Variants in TBC1D9B observed in about 807,000 individuals in gnomAD.
TBC1D9B encodes TBC1 domain family member 9B, also known as TBC1 domain family, member 9B (with GRAM domain).
A neutral mutation model predicts 121.1 loss-of-function variants in TBC1D9B; 87 were observed. The observed-to-expected ratio is 0.72, with a 90% CI of 0.60 to 0.86. The LOEUF (loss-of-function observed/expected upper bound fraction) is 0.86. Among genes scored for constraint, TBC1D9B ranks in the 40% least tolerant of loss-of-function variants. The pLI is 0.00. For synonymous variants in TBC1D9B, 668 were observed against 670.1 expected (o/e 1.00, Z 0.05); for missense variants, 1,540 against 1,628.6 (o/e 0.95, Z 0.94).
intron 1 of TBC1D9B, among the ~76,000 whole-genome samples, chr5:179,905,701 T>G (rs761426465): frequency 2.0e-5 from 3 of 152,250 alleles, no homozygotes; most frequent in Non-Finnish European, 4.4e-5. Context: ...CATTGTTTGA[T>G]TCACTAATTG....
rs780482247 is a variant in TBC1D9B at position 179,879,735 on chromosome 5, G to C, written c.1309C>G (p.Leu437Val). The C allele has an allele frequency of 1.2e-6, 2 of 1,614,136 alleles. No individual in the cohort carries two copies. The highest frequency in any genetic ancestry group is 1.7e-4 in the Middle Eastern group (1 of 6,030). ...SEQPASPASPLSSRQSFCAQE... is the reference protein window; with the variant it reads ...SEQPASPASPVSSRQSFCAQE... ...GCACAGAAGCTCTGGCGGCTGCTGA[G>C]GGGAGAGGCTGGGCTGGCGGGCTGC... Residue 437 changes from leucine (L) to valine (V), a missense_variant, in exon 8 of 21, where the codon CTC becomes GTC. Physicochemically the swap from Leu to Val is conservative, Grantham distance 32 (BLOSUM62 1). Transcript: ENST00000355235.
intron 14 of TBC1D9B, chr5:179,872,538 T>G: frequency 1.8e-5 from 5 of 281,212 alleles, no homozygotes; most frequent in Non-Finnish European, 2.1e-5. Flanking sequence ...ACACATGCCA[T>G]TTGGGGTGTG....
Position 179,862,451 on chromosome 5 carries a change from C to T in TBC1D9B, c.*997G>A, listed in dbSNP as rs1181453468. ...CCAAGGGCAGACAGCTTGCTACAGC[C>T]CAGGCCTGAGGATGCACTTCCTTCA... On this transcript the variant is annotated 3_prime_UTR_variant, in exon 21 of 21. Transcript: ENST00000355235. 2.3e-6 allele frequency: 1 copy of T among 425,610 alleles called. No homozygotes were observed. The highest frequency in any genetic ancestry group is 4.9e-6 in the Non-Finnish European group (1 of 204,670). 26.4% of individuals were successfully genotyped at this position (425,610 alleles called of 1,614,324 possible). A position where few individuals can be genotyped will look rare whatever the true frequency, so the allele number is the denominator to read the frequency against.
In TBC1D9B at chr5:179,885,692, G is replaced by A. The variant is rs752477158; in HGVS notation, c.1254+2411C>T. Reference sequence around the variant, plus strand: ...TGAACACTCACAGCACATTTCCATTGGCACCCGCTGGATTTCCAGTGCTCC... The same window carrying A: ...TGAACACTCACAGCACATTTCCATTAGCACCCGCTGGATTTCCAGTGCTCC... On this transcript the variant is annotated intron_variant, in intron 7 of 20. Coordinates refer to ENST00000355235, the MANE Select transcript of TBC1D9B (RefSeq NM_015043.4). The surrounding 1 kb of genome is among the most constrained non-coding windows in gnomAD (Gnocchi z 4.5). 2.6e-5 allele frequency among the ~76,000 whole-genome samples: 4 copies of A among 152,126 alleles called. No individual in the cohort carries two copies. The highest frequency in any genetic ancestry group is 4.4e-5 in the Non-Finnish European group (3 of 68,036).
Position 179,894,629 on chromosome 5 carries a change from G to A in TBC1D9B, c.349-15C>T. On this transcript the variant is annotated splice_polypyrimidine_tract_variant and intron_variant, in intron 3 of 20. Coordinates refer to ENST00000355235, the MANE Select transcript of TBC1D9B (RefSeq NM_015043.4). The stretch of plus-strand genomic sequence containing the variant: ...GCGATGATTCCCTGGAGGAAGGCAA[G>A]AGGACAAGGGCTTGCCCTGCACAGT... 1.9e-6 allele frequency: 3 copies of A among 1,613,916 alleles called. No homozygotes were observed. The highest frequency in any genetic ancestry group is 2.5e-6 in the Non-Finnish European group (3 of 1,179,882).
At position 179,891,402 on chromosome 5, in the gene TBC1D9B, G is replaced by A; in HGVS notation, c.1021C>T (p.His341Tyr). 6.2e-7 allele frequency: 1 copy of A among 1,614,236 alleles called. No homozygotes were observed. Reference sequence around the variant, plus strand: ...ACCTCCCTCAGGGGTATGATGAGGTGGCAAGCGTCCTCCTCCTTGCTGGCG... The same window carrying A: ...ACCTCCCTCAGGGGTATGATGAGGTAGCAAGCGTCCTCCTCCTTGCTGGCG... ...CFASKEEDAC[H>Y]LIIPLREVTI... The change falls in exon 6 of 21, where the codon CAC becomes TAC. Residue 341 changes from histidine to tyrosine, a missense_variant. Physicochemically the swap from His to Tyr is moderately conservative, Grantham distance 83 (BLOSUM62 2). Transcript: ENST00000355235. The surrounding 1 kb of genome is among the most constrained non-coding windows in gnomAD (Gnocchi z 4.3).
chr5:179,865,479 C>T lies in TBC1D9B; in HGVS notation c.2915-119G>A. On this transcript the variant is annotated intron_variant, in intron 19 of 20. Coordinates refer to ENST00000355235, the MANE Select transcript of TBC1D9B (RefSeq NM_015043.4). The surrounding 1 kb of genome is among the most constrained non-coding windows in gnomAD (Gnocchi z 5.1). ...GAGTTACCAGGGCCCTATCATAAAA[C>T]ACCCTGGCGTTTGGGAAGGTGGTCA... The T allele has an allele frequency of 1.1e-6, 1 of 945,408 alleles. No individual in the cohort carries two copies. Among genetic ancestry groups the T allele is most frequent in the Non-Finnish European group, 1.7e-6 (1 of 604,594 alleles). The allele number at this position is 945,408 out of a possible 1,614,324, so 58.6% of individuals were successfully genotyped here. A position where few individuals can be genotyped will look rare whatever the true frequency, so the allele number is the denominator to read the frequency against.
intron 8 of TBC1D9B, 156 bp downstream of exon 8, chr5:179,879,472 G>T: frequency 8.1e-7 from 1 of 1,230,478 alleles, no homozygotes; most frequent in Non-Finnish European, 1.1e-6. Flanking sequence ...GAGAGTGCCT[G>T]CTCCGTCTCA....
intron 2 of TBC1D9B, among the ~76,000 whole-genome samples, chr5:179,900,627 T>G (rs1761139956): frequency 6.6e-6 from 1 of 152,170 alleles, no homozygotes; most frequent in Admixed American, 6.5e-5. Context: ...ATCACACTCT[T>G]GTCGACTGAC....
At chr5:179,868,719 T>C (rs911915667) in intron 17 of TBC1D9B, 1 of 152,326 alleles carries the variant, frequency 6.6e-6, no homozygotes, top group Non-Finnish European at 1.5e-5. Context: ...CAGTCTTTGC[T>C]GGAGGTCACC....
intron 18 of TBC1D9B, 176 bp downstream of exon 18, chr5:179,867,602 G>A (rs1222982544): frequency 2.7e-6 from 4 of 1,484,380 alleles, no homozygotes; most frequent in East Asian, 2.5e-5. Context: ...CACAGGGGGC[G>A]GCCCCAGCCC....
intron 7 of TBC1D9B, among the ~76,000 whole-genome samples, chr5:179,882,460 A>C (rs941109657): frequency 6.6e-6 from 1 of 152,186 alleles, no homozygotes; most frequent in Non-Finnish European, 1.5e-5. Flanking sequence ...AAGCTGAGAG[A>C]GCCCCTGAAC....
Position 179,863,587 on chromosome 5 carries a change from G to A in TBC1D9B, c.3563C>T (p.Ala1188Val). 1 of 1,614,172 alleles carries A rather than the reference G, an allele frequency of 6.2e-7. No individual in the cohort carries two copies. The highest frequency in any genetic ancestry group is 8.5e-7 in the Non-Finnish European group (1 of 1,180,052). Reference sequence around the variant, plus strand: ...CAGCACGGACTCCGTCAGGATGGAGGCCAGGATCTGCTCAAAGGAGATGCA... The same window carrying A: ...CAGCACGGACTCCGTCAGGATGGAGACCAGGATCTGCTCAAAGGAGATGCA... ...DWCISFEQIL[A>V]SILTESVLVN... Residue 1188 changes from alanine (A) to valine (V), a missense_variant, in exon 21 of 21, where the codon GCC becomes GTC. By Grantham distance (64) the Ala-to-Val change is moderately conservative (BLOSUM62 0). Coordinates refer to ENST00000355235, the MANE Select transcript of TBC1D9B (RefSeq NM_015043.4). The surrounding 1 kb of genome is among the most constrained non-coding windows in gnomAD (Gnocchi z 4.5).
Position 179,871,441 on chromosome 5 carries a change from G to T in TBC1D9B, c.2484+21C>A, listed in dbSNP as rs377564483. ...AGCTAGGAAGCTAGGAACGGGTCCT[G>T]CCCTGGCTCTGAGCTGTCACCTTAA... On this transcript the variant is annotated intron_variant, in intron 15 of 20. Coordinates refer to ENST00000355235, the MANE Select transcript of TBC1D9B (RefSeq NM_015043.4). 54 of 1,610,744 alleles carry T rather than the reference G, an allele frequency of 3.4e-5. No individual in the cohort carries two copies. The Middle Eastern group carries it at 6.6e-4, about 20-fold the overall frequency.
rs1380196598 is a variant in TBC1D9B at position 179,862,392 on chromosome 5, G to A, written c.*1056C>T. 14 of 351,802 alleles carry A rather than the reference G, an allele frequency of 4.0e-5. 1 individual carries two copies. Among genetic ancestry groups the A allele is most frequent in the South Asian group, 1.6e-4 (8 of 50,294 alleles). The allele number at this position is 351,802 out of a possible 1,614,324, so 21.8% of individuals were successfully genotyped here. ...TGGCTCCAGCCCTGGGGCCCCCTGC[G>A]GTCACCTTTGGCTCCACAGTCTGGT... On this transcript the variant is annotated 3_prime_UTR_variant, in exon 21 of 21. Coordinates refer to ENST00000355235, the MANE Select transcript of TBC1D9B (RefSeq NM_015043.4).
chr5:179,878,160 A>T, intron 10 of TBC1D9B, 149 bp downstream of exon 10: 1 of 818,254 alleles, frequency 1.2e-6, no homozygotes, highest in Non-Finnish European at 1.9e-6. Flanking sequence ...ATGAGCAATT[A>T]ATACTGTTTT....
intron 7 of TBC1D9B, chr5:179,880,061 T>C: frequency 1.9e-6 from 1 of 531,146 alleles, no homozygotes; most frequent in Non-Finnish European, 3.3e-6. Context: ...GGGCTCACCC[T>C]GTGGGGCCCT....
Position 179,874,756 on chromosome 5 carries a change from C to G in TBC1D9B, c.2186+146G>C. ...GCTTCATCTCCCACTAGAAAGGAGC[C>G]GCCTCCTGACCCCAGAGCACCCCCG... is the stretch of plus-strand genomic sequence containing the variant. On this transcript the variant is annotated intron_variant, in intron 12 of 20. Coordinates refer to ENST00000355235, the MANE Select transcript of TBC1D9B (RefSeq NM_015043.4). The surrounding 1 kb of genome is among the most constrained non-coding windows in gnomAD (Gnocchi z 4.3). 1 of 1,173,036 alleles carries G rather than the reference C, an allele frequency of 8.5e-7. No individual in the cohort carries two copies. Among genetic ancestry groups the G allele is most frequent in the African/African-American group, 1.5e-5 (1 of 64,864 alleles). The allele number at this position is 1,173,036 out of a possible 1,614,324, so 72.7% of individuals were successfully genotyped here. A position where few individuals can be genotyped will look rare whatever the true frequency, so the allele number is the denominator to read the frequency against.
rs1008400761 is a variant in TBC1D9B at position 179,874,323 on chromosome 5, G to T, written c.2186+579C>A. On this transcript the variant is annotated intron_variant, in intron 12 of 20. Coordinates refer to ENST00000355235, the MANE Select transcript of TBC1D9B (RefSeq NM_015043.4). This position sits in a 1 kb window ranked among gnomAD's most constrained non-coding sequence, Gnocchi z 4.3. ...CAGGGAAAGGGCATGGTGGGCCTGG[G>T]CTGAGGCAGCAGGCTGAAGGGAAGG... 1.2e-4 allele frequency among the ~76,000 whole-genome samples: 18 copies of T among 152,236 alleles called. 1 individual carries two copies. The highest frequency in any genetic ancestry group is 4.3e-4 in the African/African-American group (18 of 41,538).
Sources: allele counts gnomAD v4.1 joint callset (sites outside exome capture counted in the v4.1 genomes callset), GRCh38; gene constraint gnomAD v4.1.1; non-coding constraint Gnocchi (gnomAD v3.1); transcripts MANE v1.5; gene names NCBI Gene and HGNC (gene_info 2026-07-23, HGNC 2026-07-21).